MACF1: variants seen among roughly 807,000 people sequenced by gnomAD.
MACF1 encodes microtubule actin crosslinking factor 1.
A neutral mutation model predicts 854.8 loss-of-function variants in MACF1; 193 were observed. The observed-to-expected ratio is 0.23, with a 90% CI of 0.20 to 0.25. The LOEUF is 0.25. Ranked by LOEUF, MACF1 falls within the 10% of genes least tolerant of loss-of-function variation. The pLI is 1.00. For synonymous variants in MACF1, 3,185 were observed against 3,226.7 expected (o/e 0.99, Z 0.44); for missense variants, 7,722 against 8,929.1 (o/e 0.86, Z 5.45).
intron 15 of MACF1, among the ~76,000 whole-genome samples, chr1:39,288,334 T>G (rs1645690014): frequency 6.6e-6 from 1 of 151,844 alleles, no homozygotes; most frequent in South Asian, 2.1e-4. Context: ...CCGTCTCTAC[T>G]AAAAATACAA....
At chr1:39,264,722 G>A (rs1024549265) in intron 6 of MACF1, among the ~76,000 whole-genome samples, 18 of 144,884 alleles carry the variant, frequency 1.2e-4, no homozygotes, top group Admixed American at 5.7e-4. Context: ...GCCGGACTGC[G>A]GACTGCAGTG....
intron 37 of MACF1, 133 bp downstream of exon 37, chr1:39,336,786 T>G: frequency 3.5e-6 from 3 of 859,908 alleles, no homozygotes; most frequent in Non-Finnish European, 5.1e-6. Flanking sequence ...GATGATTCTC[T>G]AAGATATAAC....
At chr1:39,415,834 TC>T (rs1643283872) in intron 58 of MACF1, among the ~76,000 whole-genome samples, 1 of 152,194 alleles carries the variant, frequency 6.6e-6, no homozygotes, top group Non-Finnish European at 1.5e-5. Context: ...AGAGGTTTAA[TC>T]TGAACACAAG....
intron 61 of MACF1, among the ~76,000 whole-genome samples, chr1:39,425,221 C>G (rs1643686120): frequency 6.6e-6 from 1 of 152,106 alleles, no homozygotes; most frequent in Admixed American, 6.6e-5. Context: ...TTTTACTTTA[C>G]AGTGTCTTTC....
At chr1:39,220,176 A>G (rs997343572) in intron 1 of MACF1, among the ~76,000 whole-genome samples, 10 of 151,620 alleles carry the variant, frequency 6.6e-5, no homozygotes, top group Non-Finnish European at 1.5e-4. Flanking sequence ...ATATTTAATG[A>G]AAAAAAAATT....
At chr1:39,369,546 A>G (rs914188771) in intron 50 of MACF1, among the ~76,000 whole-genome samples, 1 of 152,144 alleles carries the variant, frequency 6.6e-6, no homozygotes, top group Non-Finnish European at 1.5e-5. Context: ...CATTTCCAAA[A>G]CTTTCCTTTT....
Position 39,452,200 on chromosome 1 carries a change from C to T in MACF1, c.20463C>T (p.Val6821=), listed in dbSNP as rs143354848. The T allele has an allele frequency of 2.7e-4, 438 of 1,613,836 alleles. No homozygotes were observed. Among genetic ancestry groups the T allele is most frequent in the Non-Finnish European group, 3.5e-4 (418 of 1,179,928 alleles). Residue 6821 remains valine, a synonymous_variant, in exon 86 of 101, where the codon GTC becomes GTT. Coordinates refer to ENST00000564288, the MANE Select transcript of MACF1 (RefSeq NM_001394062.1). ...ELGKRTGTVQ[V]LKRSGRELIE... is the part of the protein sequence containing the mutation. The stretch of plus-strand genomic sequence containing the variant: ...GAAAGCGAACAGGAACCGTTCAGGT[C>T]CTGAAGCGGTCAGGCCGAGAGCTGA...
chr1:39,277,234 T>C (rs1645455301), intron 6 of MACF1, among the ~76,000 whole-genome samples: 1 of 151,756 alleles, frequency 6.6e-6, no homozygotes, highest in Admixed American at 6.6e-5. Context: ...ACAATGTAGA[T>C]TCAGAAAAGT....
intron 2 of MACF1, among the ~76,000 whole-genome samples, chr1:39,096,875 CTT>C (rs34305714): frequency 1.9e-4 from 24 of 123,750 alleles, no homozygotes; most frequent in Admixed American, 3.5e-4. Flanking sequence ...TGAGGGATTC[CTT>C]TTTTTTTTTT....
chr1:39,141,432 C>T (rs973290555), intron 2 of MACF1, among the ~76,000 whole-genome samples: 2 of 152,142 alleles, frequency 1.3e-5, no homozygotes, highest in Non-Finnish European at 2.9e-5. Flanking sequence ...GTGTTAAGAG[C>T]ATGGACTCAA....
intron 2 of MACF1, among the ~76,000 whole-genome samples, chr1:39,236,462 C>G (rs573095539): frequency 6.6e-6 from 1 of 152,180 alleles, no homozygotes; most frequent in African/African-American, 2.4e-5. Flanking sequence ...TTCCTGACTT[C>G]TCTGATGTGG....
At chr1:39,203,375 A>G (rs1644415030), upstream of MACF1, among the ~76,000 whole-genome samples, 1 of 152,090 alleles carries the variant, frequency 6.6e-6, no homozygotes. Flanking sequence ...GCTAAATTTT[A>G]AAATTTTTTT....
chr1:39,310,258 C>T lies in MACF1; in HGVS notation c.2930C>T (p.Ala977Val), dbSNP rs762693468. The change falls in exon 25 of 101, where the codon GCA becomes GTA. Residue 977 changes from alanine (A) to valine (V), a missense_variant. This residue lies in a region of MACF1 where 1,137 missense variants were observed against 1,263.0 expected (regional missense o/e 0.90). Coordinates refer to ENST00000564288, the MANE Select transcript of MACF1 (RefSeq NM_001394062.1). ...TWNLEKLRSS[A>V]PGECHQIMKN... ...TTTTCTTTCTAGCTTCGATCCTCAG[C>T]ACCAGGGGAGTGCCATCAGATTATG... is the stretch of plus-strand genomic sequence containing the variant. 16 of 1,612,630 alleles carry T rather than the reference C, an allele frequency of 9.9e-6. No individual in the cohort carries two copies. The highest frequency in any genetic ancestry group is 6.7e-5 in the Admixed American group (4 of 59,654).
Position 39,412,496 on chromosome 1 carries a change from C to T in MACF1, c.15817-9878C>T, listed in dbSNP as rs202020434. 77 of 1,613,982 alleles carry T rather than the reference C, an allele frequency of 4.8e-5. 1 individual carries two copies. In the East Asian group the frequency reaches 1.7e-3, roughly 36 times the overall value. On this transcript the variant is annotated intron_variant, in intron 58 of 100. Transcript: ENST00000564288. Reference sequence around the variant, plus strand: ...CCAGCACATTTCCACAGAAACTTCCCAGAGCAGGTCTTCCAGGATCTCCAG... The same window carrying T: ...CCAGCACATTTCCACAGAAACTTCCTAGAGCAGGTCTTCCAGGATCTCCAG...
At chr1:39,162,627 T>C (rs1189014938) in intron 2 of MACF1, among the ~76,000 whole-genome samples, 5 of 152,210 alleles carry the variant, frequency 3.3e-5, no homozygotes, top group African/African-American at 1.2e-4. Flanking sequence ...AAACATTTGA[T>C]TTTCCTGCTA....
chr1:39,375,950 A>T (rs1050367399), intron 52 of MACF1, among the ~76,000 whole-genome samples: 2 of 152,176 alleles, frequency 1.3e-5, no homozygotes, highest in Non-Finnish European at 2.9e-5. Flanking sequence ...AAGTCGTGTT[A>T]TATTTTTGGT....
chr1:39,359,096 T>C (rs1161101154), intron 46 of MACF1, 45 bp from the exon 47 acceptor site: 1 of 1,610,442 alleles, frequency 6.2e-7, no homozygotes, highest in African/African-American at 1.3e-5. Context: ...GAATCATCTT[T>C]GATTACTTAG....
intron 6 of MACF1, chr1:39,269,441 A>G (rs1645275588): frequency 7.8e-7 from 1 of 1,289,662 alleles, no homozygotes; most frequent in Non-Finnish European, 1.0e-6. Context: ...CTTCATTACT[A>G]CTGGACCAGC....
At chr1:39,217,087 T>C (rs1322331048) in intron 1 of MACF1, among the ~76,000 whole-genome samples, 1 of 152,128 alleles carries the variant, frequency 6.6e-6, no homozygotes, top group Non-Finnish European at 1.5e-5. Flanking sequence ...GGAGAATGAA[T>C]GAAGATTAGC....
Sources: gnomAD v4.1 joint callset for allele counts (sites outside exome capture counted in the v4.1 genomes callset) on GRCh38, gnomAD v4.1.1 for gene constraint, gnomAD v4.1.1 regional missense constraint, MANE v1.5 for transcripts, NCBI Gene and HGNC (gene_info 2026-07-23, HGNC 2026-07-21) for gene names.